MRPS27: variants seen among roughly 807,000 people sequenced by gnomAD.
MRPS27 encodes the protein small ribosomal subunit protein mS27.
A neutral mutation model predicts 48.9 loss-of-function variants in MRPS27; 43 were observed. That is an observed-to-expected ratio of 0.88 (90% CI 0.69 to 1.13). MRPS27 has a LOEUF of 1.13. MRPS27 is among the 50% of genes most tolerant of loss of function. The pLI, the probability that MRPS27 is intolerant of heterozygous loss-of-function variation, is 0.00. For synonymous variants in MRPS27, 188 were observed against 171.9 expected (o/e 1.09, Z -0.73); for missense variants, 467 against 476.3 (o/e 0.98, Z 0.18).
chr5:72,264,572 G>A (rs1021442734), intron 4 of MRPS27, among the ~76,000 whole-genome samples: 1 of 152,138 alleles, frequency 6.6e-6, no homozygotes, highest in African/African-American at 2.4e-5. Context: ...GGGGGTGTAG[G>A]GGGCTTAATC....
chr5:72,289,106 C>T (rs1227091497), intron 4 of MRPS27, among the ~76,000 whole-genome samples: 3 of 152,194 alleles, frequency 2.0e-5, no homozygotes, highest in Non-Finnish European at 4.4e-5. Context: ...CTGCCTTGGC[C>T]CAGCTGTTCC....
At chr5:72,241,820 G>C (rs1580062989) in intron 4 of MRPS27, 1 of 791,942 alleles carries the variant, frequency 1.3e-6, no homozygotes. Flanking sequence ...GCCACTGTAG[G>C]AGTCCCCTCT....
chr5:72,314,093 GTTC>G lies in MRPS27; in HGVS notation c.136_138del (p.Glu46del), dbSNP rs1561366747. 2 of 1,612,434 alleles carry G rather than the reference GTTC, an allele frequency of 1.2e-6. No homozygotes were observed. Among genetic ancestry groups the G allele is most frequent in the Admixed American group, 3.3e-5 (2 of 59,988 alleles). On this transcript the variant is annotated inframe_deletion, in exon 2 of 11. Transcript: ENST00000261413. ...AATAGGTACCTACCAAGACAGTAAT[GTTC>G]TTTTTCTCTTGCTTCCCATTTGTGG...
intron 4 of MRPS27, among the ~76,000 whole-genome samples, chr5:72,242,813 C>T (rs1023979474): frequency 6.6e-6 from 1 of 152,064 alleles, no homozygotes; most frequent in South Asian, 2.1e-4. Context: ...TATTGTTGAA[C>T]GGCTAAAGTG....
intron 6 of MRPS27, 41 bp downstream of exon 6, chr5:72,234,078 T>C (rs1413557190): frequency 1.4e-6 from 2 of 1,447,826 alleles, no homozygotes; most frequent in Non-Finnish European, 1.8e-6. Context: ...CTTTGGGAGC[T>C]GGAAGCCCTA....
intron 4 of MRPS27, among the ~76,000 whole-genome samples, chr5:72,258,583 A>C (rs1281996506): frequency 6.6e-6 from 1 of 152,158 alleles, no homozygotes; most frequent in Non-Finnish European, 1.5e-5. Flanking sequence ...TAATGCCACT[A>C]CAAAAAGGGC....
intron 10 of MRPS27, among the ~76,000 whole-genome samples, chr5:72,221,921 CTATT>C (rs1747754127): frequency 6.6e-6 from 1 of 151,342 alleles, no homozygotes; most frequent in Non-Finnish European, 1.5e-5. Context: ...AAACATTAAT[CTATT>C]TAAGTACTTT....
intron 4 of MRPS27, among the ~76,000 whole-genome samples, chr5:72,294,143 AT>A (rs1749915042): frequency 6.6e-6 from 1 of 152,168 alleles, no homozygotes; most frequent in South Asian, 2.1e-4. Context: ...TGAGGTTTAC[AT>A]TTAAATAGAA....
Position 72,276,278 on chromosome 5 carries a change from G to A in MRPS27, c.281+19253C>T, listed in dbSNP as rs979101951. Among the ~76,000 whole-genome samples, 6 of 152,214 alleles carry A rather than the reference G, an allele frequency of 3.9e-5. No individual in the cohort carries two copies. The East Asian group carries it at 5.8e-4, about 15-fold the overall frequency. On this transcript the variant is annotated intron_variant, in intron 4 of 10. Transcript: ENST00000261413. The stretch of plus-strand genomic sequence containing the variant: ...TAAGATCACACATCTACAACCATCC[G>A]ATCTTTGACAAACCTGACAAAAACA...
chr5:72,224,057 C>T (rs995442344), intron 9 of MRPS27, among the ~76,000 whole-genome samples: 1 of 152,090 alleles, frequency 6.6e-6, no homozygotes, highest in South Asian at 2.1e-4. Context: ...CAGTACAAGA[C>T]AAATAGTAGA....
At chr5:72,245,859 T>C (rs1463070145) in intron 4 of MRPS27, among the ~76,000 whole-genome samples, 1 of 152,200 alleles carries the variant, frequency 6.6e-6, no homozygotes, top group Admixed American at 6.5e-5. Context: ...TCTTAAGAAT[T>C]AGATTTTTAT....
At chr5:72,302,244 T>C (rs778292307) in intron 2 of MRPS27, among the ~76,000 whole-genome samples, 17 of 152,218 alleles carry the variant, frequency 1.1e-4, no homozygotes, top group Non-Finnish European at 2.1e-4. Flanking sequence ...CCCTGCACTA[T>C]TCCCAGTAAG....
At chr5:72,252,242 A>G (rs2111984840) in intron 4 of MRPS27, among the ~76,000 whole-genome samples, 1 of 152,310 alleles carries the variant, frequency 6.6e-6, no homozygotes, top group East Asian at 1.9e-4. Flanking sequence ...CAACCATAGG[A>G]AAGTCTAATT....
At chr5:72,300,581 A>C (rs1750102498) in intron 2 of MRPS27, among the ~76,000 whole-genome samples, 1 of 152,186 alleles carries the variant, frequency 6.6e-6, no homozygotes, top group Non-Finnish European at 1.5e-5. Context: ...GTAAATGACC[A>C]CCACATTGGC....
Position 72,223,677 on chromosome 5 carries a change from A to G in MRPS27, c.1005+6T>C, listed in dbSNP as rs1228943808. 1 of 1,613,812 alleles carries G rather than the reference A, an allele frequency of 6.2e-7. No homozygotes were observed. The highest frequency in any genetic ancestry group is 8.5e-7 in the Non-Finnish European group (1 of 1,179,858). ...GCTAAGAGAGACACGTTCTGCTATGATTCACCTTAAATCGTTCCAGGTATT... is the reference window on the plus strand; with the variant it reads ...GCTAAGAGAGACACGTTCTGCTATGGTTCACCTTAAATCGTTCCAGGTATT... On this transcript the variant is annotated splice_donor_region_variant and intron_variant, in intron 10 of 10. Transcript: ENST00000261413.
At chr5:72,314,040 T>C (rs1329101866) in intron 2 of MRPS27, 41 bp downstream of exon 2, 6 of 1,430,576 alleles carry the variant, frequency 4.2e-6, no homozygotes, top group Non-Finnish European at 5.9e-6. Flanking sequence ...ACATACAGAG[T>C]GACCGAAAAT....
intron 4 of MRPS27, among the ~76,000 whole-genome samples, chr5:72,289,421 A>G (rs139817038): frequency 1.7e-4 from 26 of 151,890 alleles, no homozygotes; most frequent in Non-Finnish European, 3.5e-4. Flanking sequence ...AAAGAATGCT[A>G]TATTCTTTTT....
At chr5:72,225,962 G>C in intron 9 of MRPS27, 95 bp downstream of exon 9, 1 of 1,409,996 alleles carries the variant, frequency 7.1e-7, no homozygotes, top group Non-Finnish European at 9.6e-7. Context: ...CATATAGAAA[G>C]TAGGGGTAGT....
chr5:72,225,563 C>A (rs907953875), intron 9 of MRPS27, among the ~76,000 whole-genome samples: 8 of 152,136 alleles, frequency 5.3e-5, no homozygotes, highest in Non-Finnish European at 1.0e-4. Flanking sequence ...AAAGTGAACA[C>A]CTTAGAACTT....
Sources: allele counts gnomAD v4.1 joint callset (sites outside exome capture counted in the v4.1 genomes callset), GRCh38; gene constraint gnomAD v4.1.1; transcripts MANE v1.5; gene names NCBI Gene and HGNC (gene_info 2026-07-23, HGNC 2026-07-21).